Variants in SH3RF1 observed in about 807,000 individuals in gnomAD.
SH3RF1 encodes SH3 domain containing ring finger 1.
Under a neutral mutation model 74.0 loss-of-function variants are expected in SH3RF1, and 32 were observed. The ratio of observed to expected loss-of-function variants is 0.43; its 90% CI spans 0.33 to 0.58. The LOEUF (loss-of-function observed/expected upper bound fraction) is 0.58. Among genes scored for constraint, SH3RF1 ranks in the 20% least tolerant of loss-of-function variants. The probability of loss-of-function intolerance (pLI) is 0.05; values close to 1 mark genes in which losing one functional copy is unlikely to be tolerated. For synonymous variants in SH3RF1, 396 were observed against 439.6 expected, an observed-to-expected ratio of 0.90 and a Z score of 1.24; for missense variants, 954 against 1,130.9, an observed-to-expected ratio of 0.84 and a Z score of 2.24.
chr4:169,193,193 C>T (rs771719169), intron 2 of SH3RF1, among the ~76,000 whole-genome samples: 4 of 152,012 alleles, frequency 2.6e-5, no homozygotes, highest in Non-Finnish European at 4.4e-5. Flanking sequence ...GTGCATACTG[C>T]CCAAGTGATG....
chr4:169,263,432 T>C (rs1731310394), intron 2 of SH3RF1, among the ~76,000 whole-genome samples: 1 of 152,254 alleles, frequency 6.6e-6, no homozygotes, highest in African/African-American at 2.4e-5. Context: ...TATAGATTAT[T>C]GAACATAACT....
In SH3RF1 at chr4:169,159,397, G is replaced by C. The variant is rs1038237168; in HGVS notation, c.394-2718C>G. On this transcript the variant is annotated intron_variant, in intron 2 of 11. Transcript: ENST00000284637. ...CGACAGAGAGAGAGAGATAGAGAGA[G>C]AGAAAGAGAGAGAACTGGCAAGTAC... 4.6e-5 allele frequency among the ~76,000 whole-genome samples: 7 copies of C among 152,176 alleles called. No individual in the cohort carries two copies. The East Asian group carries it at 1.3e-3, about 29-fold the overall frequency.
chr4:169,255,143 A>G (rs978163997), intron 2 of SH3RF1, among the ~76,000 whole-genome samples: 1 of 152,246 alleles, frequency 6.6e-6, no homozygotes, highest in Non-Finnish European at 1.5e-5. Context: ...GAGACTTTCT[A>G]AAAACCCAGT....
At chr4:169,161,825 T>A (rs1462524392) in intron 2 of SH3RF1, among the ~76,000 whole-genome samples, 1 of 152,242 alleles carries the variant, frequency 6.6e-6, no homozygotes, top group Admixed American at 6.5e-5. Flanking sequence ...GAAATCATAG[T>A]AATAGAAAGT....
intron 2 of SH3RF1, among the ~76,000 whole-genome samples, chr4:169,218,526 A>G (rs1229460899): frequency 1.3e-5 from 2 of 149,060 alleles, no homozygotes; most frequent in Non-Finnish European, 3.0e-5. Context: ...AAACAAAAGC[A>G]AAACACTGGC....
At chr4:169,101,032 G>A (rs562419683) in intron 11 of SH3RF1, among the ~76,000 whole-genome samples, 4 of 152,210 alleles carry the variant, frequency 2.6e-5, no homozygotes, top group South Asian at 2.1e-4. Flanking sequence ...TGACTAAATC[G>A]CAGAGGCCTC....
chr4:169,268,110 T>C (rs1337567436), intron 2 of SH3RF1, among the ~76,000 whole-genome samples: 1 of 152,112 alleles, frequency 6.6e-6, no homozygotes, highest in Non-Finnish European at 1.5e-5. Flanking sequence ...TGTGTGACAG[T>C]TGTGGTAGCT....
chr4:169,203,067 T>C (rs1440457255), intron 2 of SH3RF1, among the ~76,000 whole-genome samples: 1 of 152,182 alleles, frequency 6.6e-6, no homozygotes, highest in South Asian at 2.1e-4. Flanking sequence ...CAAAGAAACC[T>C]GTTTATTGTT....
chr4:169,169,135 C>T (rs1734288153), intron 2 of SH3RF1, among the ~76,000 whole-genome samples: 1 of 152,130 alleles, frequency 6.6e-6, no homozygotes, highest in Non-Finnish European at 1.5e-5. Context: ...AAGGAGCATT[C>T]TTCTAGTCAA....
At chr4:169,211,278 C>T (rs1034250337) in intron 2 of SH3RF1, among the ~76,000 whole-genome samples, 3 of 151,888 alleles carry the variant, frequency 2.0e-5, no homozygotes, top group Non-Finnish European at 4.4e-5. Flanking sequence ...TTCAGGAGAT[C>T]GAGACCATCC....
chr4:169,252,450 T>TAGG (rs1731121524), intron 2 of SH3RF1, among the ~76,000 whole-genome samples: 4 of 152,258 alleles, frequency 2.6e-5, no homozygotes, highest in African/African-American at 9.6e-5. Flanking sequence ...CTATGAAAAT[T>TAGG]GCTACTATTC....
chr4:169,171,796 G>A (rs536607467), intron 2 of SH3RF1, among the ~76,000 whole-genome samples: 71 of 152,246 alleles, frequency 4.7e-4, no homozygotes, highest in African/African-American at 1.6e-3. Flanking sequence ...AATGAAATGT[G>A]ATACAAGAAA....
intron 2 of SH3RF1, among the ~76,000 whole-genome samples, chr4:169,222,632 T>C (rs1730586654): frequency 6.6e-6 from 1 of 151,898 alleles, no homozygotes; most frequent in Admixed American, 6.6e-5. Context: ...TGTAACAAAA[T>C]AATAACAAAG....
At chr4:169,255,284 A>G (rs1561065997) in intron 2 of SH3RF1, among the ~76,000 whole-genome samples, 1 of 152,204 alleles carries the variant, frequency 6.6e-6, no homozygotes, top group East Asian at 1.9e-4. Flanking sequence ...AAATATATAA[A>G]TTTATTGAAA....
chr4:169,191,727 GAAAT>G (rs1466268685), intron 2 of SH3RF1, among the ~76,000 whole-genome samples: 11 of 152,056 alleles, frequency 7.2e-5, no homozygotes, highest in Admixed American at 7.2e-4. Context: ...AGAGAACCCA[GAAAT>G]AAACCCAAAT....
intron 2 of SH3RF1, among the ~76,000 whole-genome samples, chr4:169,255,725 T>A (rs1159591431): frequency 6.6e-6 from 1 of 150,456 alleles, no homozygotes; most frequent in African/African-American, 2.4e-5. Flanking sequence ...CATTAAAACA[T>A]CCATGTTTTA....
chr4:169,104,752 A>C (rs148523239), intron 11 of SH3RF1, among the ~76,000 whole-genome samples: 286 of 152,148 alleles, frequency 1.9e-3, no homozygotes, highest in African/African-American at 6.2e-3. Context: ...AAATACAAAA[A>C]AATTAGCCGG....
chr4:169,259,759 T>C (rs1411445916), intron 2 of SH3RF1, among the ~76,000 whole-genome samples: 1 of 152,150 alleles, frequency 6.6e-6, no homozygotes, highest in Non-Finnish European at 1.5e-5. Context: ...CACCTCACTA[T>C]ACTATGTTGC....
At chr4:169,185,149 T>C (rs898674697) in intron 2 of SH3RF1, among the ~76,000 whole-genome samples, 3 of 152,188 alleles carry the variant, frequency 2.0e-5, no homozygotes, top group African/African-American at 7.2e-5. Context: ...TGTTCAATCA[T>C]CCCACAAATA....
Sources: allele counts gnomAD v4.1 joint callset (sites outside exome capture counted in the v4.1 genomes callset), GRCh38; gene constraint gnomAD v4.1.1; transcripts MANE v1.5; gene names NCBI Gene and HGNC (gene_info 2026-07-23, HGNC 2026-07-21).